The following B3GNT6 variants were observed in gnomAD, a reference collection of about 807,000 sequenced individuals.
B3GNT6 encodes acetylgalactosaminyl-O-glycosyl-glycoprotein beta-1,3-N-acetylglucosaminyltransferase.
For synonymous variants in B3GNT6, 300 were observed against 270.0 expected (o/e 1.11, Z -1.09); for missense variants, 624 against 568.6 (o/e 1.10, Z -0.99).
chr11:77,036,470 G>A (rs1435220448), intron 1 of B3GNT6, among the ~76,000 whole-genome samples: 6 of 152,096 alleles, frequency 3.9e-5, no homozygotes, highest in African/African-American at 7.2e-5. Context: ...AATAGGGTTC[G>A]GTGCAATAAC....
In B3GNT6 at chr11:77,039,735, T is replaced by A; in HGVS notation, c.184T>A (p.Ser62Thr). Residue 62 changes from serine (S) to threonine (T), a missense_variant, in exon 2 of 2, where the codon TCG (serine) becomes ACG (threonine). Physicochemically the swap from Ser to Thr is moderately conservative, Grantham distance 58. Transcript: ENST00000622824. Reference protein sequence around the residue: ...TDAPAADEPPSELVPGPPCVA... With the variant: ...TDAPAADEPPTELVPGPPCVA... The stretch of plus-strand genomic sequence containing the variant: ...CGCTCCCGCGGCTGACGAGCCGCCC[T>A]CGGAGCTCGTCCCCGGGCCCCCGTG... The A allele has an allele frequency of 6.2e-7, 1 of 1,602,136 alleles. No individual in the cohort carries two copies. Among genetic ancestry groups the A allele is most frequent in the Non-Finnish European group, 8.5e-7 (1 of 1,175,752 alleles).
rs781809256 is a variant in B3GNT6, at chr11:77,039,819, C to A, written c.268C>A (p.Gln90Lys). 1.1e-5 allele frequency: 17 copies of A among 1,575,996 alleles called. No homozygotes were observed. The Admixed American group carries it at 2.8e-4, about 26-fold the overall frequency. The stretch of plus-strand genomic sequence containing the variant: ...CTTCGAGCAGCTGCCCGCGCGCATC[C>A]AGGACTTCCTGCGGTACCGCCACTG... ...ADFEQLPARI[Q>K]DFLRYRHCRH... The change falls in exon 2 of 2, where the codon CAG becomes AAG. Residue 90 changes from glutamine to lysine, a missense_variant. Coordinates refer to ENST00000622824, the MANE Select transcript of B3GNT6 (RefSeq NM_138706.5).
intron 1 of B3GNT6, among the ~76,000 whole-genome samples, chr11:77,038,193 C>G: frequency 6.8e-6 from 1 of 146,528 alleles, no homozygotes; most frequent in Non-Finnish European, 1.5e-5. Context: ...AGAGGGGGAA[C>G]TGAGCAAAGG....
Position 77,040,690 on chromosome 11 carries a change from G to A in B3GNT6, c.1139G>A (p.Gly380Glu), listed in dbSNP as rs1333229549. The change falls in exon 2 of 2, where the codon GGA becomes GAA. Residue 380 changes from glycine (G) to glutamate (E), a missense_variant. Coordinates refer to ENST00000622824, the MANE Select transcript of B3GNT6 (RefSeq NM_138706.5). ...LHSPALSCDR[G>E]HRVS ...AGCCCCGCGCTCAGCTGTGACCGGGGACACCGGGTCTCCTGAGGCCAGTTG... is the reference window on the plus strand; with the variant it reads ...AGCCCCGCGCTCAGCTGTGACCGGGAACACCGGGTCTCCTGAGGCCAGTTG... 4 of 1,582,726 alleles carry A rather than the reference G, an allele frequency of 2.5e-6. No individual in the cohort carries two copies. Among genetic ancestry groups the A allele is most frequent in the Non-Finnish European group, 3.4e-6 (4 of 1,169,430 alleles).
At chr11:77,038,308 C>T (rs1254133433) in intron 1 of B3GNT6, among the ~76,000 whole-genome samples, 1 of 150,940 alleles carries the variant, frequency 6.6e-6, no homozygotes, top group African/African-American at 2.4e-5. Context: ...GCCTGTAATC[C>T]CAGCACTTTT....
At chr11:77,038,714 C>A (rs189835077) in intron 1 of B3GNT6, among the ~76,000 whole-genome samples, 1 of 152,064 alleles carries the variant, frequency 6.6e-6, no homozygotes, top group Non-Finnish European at 1.5e-5. Flanking sequence ...GCCTGAGGTG[C>A]ACCTGGGCAG....
chr11:77,040,134 C>T lies in B3GNT6; in HGVS notation c.583C>T (p.Leu195Phe). ...VLQWAFADTF[L>F]NLTLKHLHLL... ...GCAGTGGGCCTTCGCGGACACCTTC[C>T]TCAACCTCACGCTCAAGCACCTGCA... The change falls in exon 2 of 2, where the codon CTC becomes TTC. Residue 195 changes from leucine to phenylalanine, a missense_variant. By Grantham distance (22) the Leu-to-Phe change is conservative. Coordinates refer to ENST00000622824, the MANE Select transcript of B3GNT6 (RefSeq NM_138706.5). 6.9e-6 allele frequency: 11 copies of T among 1,598,930 alleles called. No individual in the cohort carries two copies. The highest frequency in any genetic ancestry group is 1.1e-5 in the South Asian group (1 of 91,052).
In B3GNT6 at chr11:77,039,909, C is replaced by T. The variant is rs782212407; in HGVS notation, c.358C>T (p.Leu120Phe). The T allele has an allele frequency of 3.1e-6, 5 of 1,592,590 alleles. No homozygotes were observed. Among genetic ancestry groups the T allele is most frequent in the Non-Finnish European group, 4.2e-6 (5 of 1,176,874 alleles). ...CGCCGGCGGCCGAGGCGTGTTCCTG[C>T]TCCTGGCGGTGAAGTCGGCGCCTGA... Reference protein sequence around the residue: ...KCAGGRGVFLLLAVKSAPEHY... With the variant: ...KCAGGRGVFLFLAVKSAPEHY... Residue 120 changes from leucine (L) to phenylalanine (F), a missense_variant, in exon 2 of 2, where the codon CTC becomes TTC. Transcript: ENST00000622824.
intron 1 of B3GNT6, among the ~76,000 whole-genome samples, chr11:77,035,281 G>C (rs1254990471): frequency 1.3e-5 from 2 of 152,240 alleles, no homozygotes; most frequent in Non-Finnish European, 2.9e-5. Flanking sequence ...ATACCATACT[G>C]TGTGAGAAGG....
chr11:77,040,679 C>G lies in B3GNT6; in HGVS notation c.1128C>G (p.Ser376Arg), dbSNP rs782164686. ...AGGCGCTGCACAGCCCCGCGCTCAG[C>G]TGTGACCGGGGACACCGGGTCTCCT... ...MWKALHSPAL[S>R]CDRGHRVS The change falls in exon 2 of 2, where the codon AGC becomes AGG. Residue 376 changes from serine to arginine, a missense_variant. Transcript: ENST00000622824. The G allele has an allele frequency of 3.1e-5, 50 of 1,589,846 alleles. 1 individual carries two copies. The South Asian group carries it at 5.4e-4, about 17-fold the overall frequency.
At chr11:77,038,596 G>A (rs181835386) in intron 1 of B3GNT6, among the ~76,000 whole-genome samples, 3 of 152,026 alleles carry the variant, frequency 2.0e-5, no homozygotes, top group East Asian at 3.9e-4. Context: ...ATAGCCAACG[G>A]TCTGAGATGC....
Position 77,040,985 on chromosome 11 carries a change from C to CT in B3GNT6, c.*280dup. On this transcript the variant is annotated 3_prime_UTR_variant, in exon 2 of 2. Coordinates refer to ENST00000622824, the MANE Select transcript of B3GNT6 (RefSeq NM_138706.5). ...GCAGCTAGGCCTGAGGACCACTCGG[C>CT]TAGACTATCTCTTCATCCTCGCAAA... 1 of 423,550 alleles carries CT rather than the reference C, an allele frequency of 2.4e-6. No homozygotes were observed. The highest frequency in any genetic ancestry group is 4.0e-6 in the Non-Finnish European group (1 of 247,202). The allele number at this position is 423,550 out of a possible 1,614,324, so 26.2% of individuals were successfully genotyped here. A position where few individuals can be genotyped will look rare whatever the true frequency, so the allele number is the denominator to read the frequency against.
In B3GNT6 at chr11:77,039,749, CG is replaced by C. The variant is rs782208381; in HGVS notation, c.201del (p.Pro69ArgfsTer55). On this transcript the variant is annotated frameshift_variant, in exon 2 of 2. Transcript: ENST00000622824. LOFTEE classifies it low-confidence loss of function (END_TRUNC). ...ACGAGCCGCCCTCGGAGCTCGTCCC[CG>C]GGCCCCCGTGCGTGGCGAACGCCTC... ...ADEPPSELVP[G>X]PPCVANASAN... 14 of 1,596,444 alleles carry C rather than the reference CG, an allele frequency of 8.8e-6. No homozygotes were observed. Among genetic ancestry groups the C allele is most frequent in the Non-Finnish European group, 1.1e-5 (13 of 1,173,770 alleles).
In B3GNT6 at chr11:77,040,657, C is replaced by T. The variant is rs373753540; in HGVS notation, c.1106C>T (p.Ala369Val). The T allele has an allele frequency of 3.7e-6, 6 of 1,600,234 alleles. No individual in the cohort carries two copies. The African/African-American group carries it at 8.0e-5, about 21-fold the overall frequency. ...TACGAGATGCTGCTCATGTGGAAGG[C>T]GCTGCACAGCCCCGCGCTCAGCTGT... ...APYEMLLMWK[A>V]LHSPALSCDR... The change falls in exon 2 of 2, where the codon GCG becomes GTG. Residue 369 changes from alanine to valine, a missense_variant. Physicochemically the swap from Ala to Val is moderately conservative, Grantham distance 64. Transcript: ENST00000622824.
chr11:77,036,687 T>G (rs143772809), intron 1 of B3GNT6, among the ~76,000 whole-genome samples: 1 of 152,332 alleles, frequency 6.6e-6, no homozygotes, highest in African/African-American at 2.4e-5. Flanking sequence ...AGAGCTTAAG[T>G]CAACGTGCTC....
chr11:77,040,247 AG>A lies in B3GNT6; in HGVS notation c.697del (p.Val233SerfsTer122), dbSNP rs1187564800. ...DDVFVHTANV[V>X]RFLQAQPPGR... is the part of the protein sequence containing the mutation. ...ACGTGTTCGTGCACACCGCCAACGT[AG>A]TCCGCTTCCTGCAGGCGCAGCCACC... On this transcript the variant is annotated frameshift_variant, in exon 2 of 2. Coordinates refer to ENST00000622824, the MANE Select transcript of B3GNT6 (RefSeq NM_138706.5). LOFTEE classifies it low-confidence loss of function (END_TRUNC). 6.3e-7 allele frequency: 1 copy of A among 1,598,622 alleles called. No individual in the cohort carries two copies. The highest frequency in any genetic ancestry group is 8.5e-7 in the Non-Finnish European group (1 of 1,179,408).
chr11:77,036,557 G>T (rs1415148627), intron 1 of B3GNT6, among the ~76,000 whole-genome samples: 1 of 152,124 alleles, frequency 6.6e-6, no homozygotes. Context: ...AATATTTATC[G>T]GCACCTTGAT....
intron 1 of B3GNT6, among the ~76,000 whole-genome samples, chr11:77,038,281 G>T (rs761126165): frequency 8.7e-5 from 13 of 149,492 alleles, no homozygotes; most frequent in Admixed American, 8.6e-4. Flanking sequence ...GAGAAGGAAC[G>T]GGGCACAGTG....
intron 1 of B3GNT6, among the ~76,000 whole-genome samples, chr11:77,035,889 C>G (rs1304029329): frequency 6.6e-6 from 1 of 152,136 alleles, no homozygotes; most frequent in African/African-American, 2.4e-5. Flanking sequence ...TTCTTTGAAA[C>G]AAGATTTATT....
Sources: gnomAD v4.1 joint callset for allele counts (sites outside exome capture counted in the v4.1 genomes callset) on GRCh38, gnomAD v4.1.1 for gene constraint, MANE v1.5 for transcripts, NCBI Gene and HGNC (gene_info 2026-07-23, HGNC 2026-07-21) for gene names.